The following CCSER1 variants were observed in gnomAD, a reference collection of about 807,000 sequenced individuals.
The protein encoded by CCSER1 is serine-rich coiled-coil domain-containing protein 1.
A neutral mutation model predicts 82.0 loss-of-function variants in CCSER1; 41 were observed. The observed-to-expected ratio is 0.50, with a 90% CI of 0.39 to 0.65. The LOEUF is 0.65. CCSER1 is among the 30% of genes least tolerant of loss of function. The pLI is 0.00. For synonymous variants in CCSER1, 414 were observed against 383.9 expected (o/e 1.08, Z -0.92); for missense variants, 1,119 against 1,064.2 (o/e 1.05, Z -0.72).
chr4:90,424,178 C>T (rs1337834976), intron 4 of CCSER1, among the ~76,000 whole-genome samples: 1 of 121,780 alleles, frequency 8.2e-6, no homozygotes, highest in East Asian at 2.3e-4. Flanking sequence ...CATTGATTAG[C>T]AACTTTTTTT....
At chr4:90,304,653 T>C (rs1733879527) in intron 1 of CCSER1, among the ~76,000 whole-genome samples, 1 of 151,100 alleles carries the variant, frequency 6.6e-6, no homozygotes, top group Non-Finnish European at 1.5e-5. Context: ...TGTTGTGGGG[T>C]GGGGAGAGTG....
At chr4:91,166,775 A>T (rs1452873210) in intron 10 of CCSER1, among the ~76,000 whole-genome samples, 1 of 152,128 alleles carries the variant, frequency 6.6e-6, no homozygotes, top group Non-Finnish European at 1.5e-5. Context: ...ACTTTGAAAG[A>T]TTTACGTGTA....
intron 6 of CCSER1, among the ~76,000 whole-genome samples, chr4:90,685,100 A>G (rs1468755881): frequency 6.6e-6 from 1 of 152,198 alleles, no homozygotes; most frequent in Non-Finnish European, 1.5e-5. Flanking sequence ...TGCAAGTCAC[A>G]GAAAACCTCA....
At chr4:91,451,518 C>T (rs1755868533) in intron 10 of CCSER1, among the ~76,000 whole-genome samples, 1 of 151,566 alleles carries the variant, frequency 6.6e-6, no homozygotes. Context: ...AGTAGAAGAC[C>T]AGGAATAATA....
At chr4:90,901,679 G>A (rs1724678356) in intron 8 of CCSER1, among the ~76,000 whole-genome samples, 1 of 151,776 alleles carries the variant, frequency 6.6e-6, no homozygotes, top group African/African-American at 2.4e-5. Flanking sequence ...TTTCTTTATG[G>A]GTAACTTGTC....
chr4:91,386,772 C>G (rs1197890762), intron 10 of CCSER1, among the ~76,000 whole-genome samples: 1 of 151,984 alleles, frequency 6.6e-6, no homozygotes, highest in Admixed American at 6.6e-5. Flanking sequence ...TATGTATTAG[C>G]CTTCCCACAT....
intron 8 of CCSER1, among the ~76,000 whole-genome samples, chr4:90,816,997 T>C (rs1002461982): frequency 2.0e-5 from 3 of 152,084 alleles, no homozygotes; most frequent in African/African-American, 7.2e-5. Context: ...AAACTAGTAC[T>C]TAGCATAAGA....
At chr4:91,208,810 A>T (rs555465842) in intron 10 of CCSER1, among the ~76,000 whole-genome samples, 1 of 151,952 alleles carries the variant, frequency 6.6e-6, no homozygotes, top group East Asian at 1.9e-4. Context: ...GGGCAGTATG[A>T]CCATTTTAAT....
chr4:90,201,276 C>T (rs747238797), intron 1 of CCSER1, among the ~76,000 whole-genome samples: 64 of 152,158 alleles, frequency 4.2e-4, no homozygotes, highest in East Asian at 1.9e-4. Context: ...ATGAATATTA[C>T]GTAAACTTTT....
At chr4:91,175,487 G>A (rs1733236170) in intron 10 of CCSER1, among the ~76,000 whole-genome samples, 1 of 152,108 alleles carries the variant, frequency 6.6e-6, no homozygotes, top group Admixed American at 6.5e-5. Context: ...AGCACCTGTT[G>A]TTTCCTGACT....
At chr4:90,210,102 T>C (rs2153413553) in intron 1 of CCSER1, among the ~76,000 whole-genome samples, 1 of 152,320 alleles carries the variant, frequency 6.6e-6, no homozygotes, top group South Asian at 2.1e-4. Flanking sequence ...ATGCTCTGTT[T>C]GCACTCTTTC....
intron 5 of CCSER1, among the ~76,000 whole-genome samples, chr4:90,594,308 G>A (rs1367665516): frequency 6.6e-6 from 1 of 152,058 alleles, no homozygotes; most frequent in Non-Finnish European, 1.5e-5. Context: ...TCTTCACTTA[G>A]CACTGTGTCT....
At position 90,394,376 on chromosome 4, in the gene CCSER1, C is replaced by T. The variant is rs1578253380; in HGVS notation, c.1510-5660C>T. Among the ~76,000 whole-genome samples, 5 of 152,212 alleles carry T rather than the reference C, an allele frequency of 3.3e-5. 1 individual carries two copies. Among genetic ancestry groups the T allele is most frequent in the African/African-American group, 1.2e-4 (5 of 41,554 alleles). On this transcript the variant is annotated intron_variant, in intron 3 of 10. Coordinates refer to ENST00000509176, the MANE Select transcript of CCSER1 (RefSeq NM_001145065.2). ...TTCACTAATAATTACTCAGTTTAGT[C>T]TTAATGCCTCTTGATATCAAGTCAT...
chr4:90,973,163 G>GT (rs1735279280), intron 9 of CCSER1, among the ~76,000 whole-genome samples: 1 of 151,550 alleles, frequency 6.6e-6, no homozygotes, highest in Non-Finnish European at 1.5e-5. Flanking sequence ...AGACAAGTAG[G>GT]TTTTTTCATC....
intron 10 of CCSER1, among the ~76,000 whole-genome samples, chr4:91,241,654 G>A (rs1190837787): frequency 2.6e-5 from 4 of 151,910 alleles, no homozygotes; most frequent in African/African-American, 4.8e-5. Context: ...ATATATTTTG[G>A]TATAATTACT....
chr4:91,345,832 T>C (rs1009422736), intron 10 of CCSER1, among the ~76,000 whole-genome samples: 2 of 152,140 alleles, frequency 1.3e-5, no homozygotes, highest in African/African-American at 4.8e-5. Context: ...TGCTCTCCTA[T>C]TCATCCTTTC....
intron 7 of CCSER1, among the ~76,000 whole-genome samples, chr4:90,740,704 T>C (rs1446363021): frequency 1.3e-5 from 2 of 152,166 alleles, no homozygotes; most frequent in East Asian, 1.9e-4. Context: ...TCATTTTCTG[T>C]CTTAAATTTA....
intron 10 of CCSER1, among the ~76,000 whole-genome samples, chr4:91,120,543 A>G (rs1726995369): frequency 6.6e-6 from 1 of 152,016 alleles, no homozygotes; most frequent in South Asian, 2.1e-4. Context: ...AAGCTAAAAC[A>G]TGGGATGATA....
chr4:90,767,493 A>G (rs1232036430), intron 7 of CCSER1, among the ~76,000 whole-genome samples: 1 of 152,182 alleles, frequency 6.6e-6, no homozygotes, highest in Non-Finnish European at 1.5e-5. Context: ...TAAACGAGGT[A>G]ATTGCTCTGG....
Sources: gnomAD v4.1 joint callset for allele counts (sites outside exome capture counted in the v4.1 genomes callset) on GRCh38, gnomAD v4.1.1 for gene constraint, MANE v1.5 for transcripts, NCBI Gene and HGNC (gene_info 2026-07-23, HGNC 2026-07-21) for gene names.